TBC1D22A: variants seen among roughly 807,000 people sequenced by gnomAD.
TBC1D22A encodes the protein TBC1 domain family member 22A, also known as putative GTPase activator.
Under a neutral mutation model 60.2 loss-of-function variants are expected in TBC1D22A, and 38 were observed. The ratio of observed to expected loss-of-function variants is 0.63; its 90% confidence interval spans 0.49 to 0.83. TBC1D22A has a LOEUF of 0.83. Ranked by LOEUF, TBC1D22A falls within the 40% of genes least tolerant of loss-of-function variation. The pLI, the probability that TBC1D22A is intolerant of heterozygous loss-of-function variation, is 0.00. For missense variants in TBC1D22A, 628 were observed against 701.0 expected, an observed-to-expected ratio of 0.90 and a Z score of 1.18; for synonymous variants, 302 against 281.7, an observed-to-expected ratio of 1.07 and a Z score of -0.72.
Position 46,957,540 on chromosome 22 carries a change from C to T in TBC1D22A, c.1016-16750C>T, listed in dbSNP as rs535510297. Among the ~76,000 whole-genome samples, 103 of 152,296 alleles carry T rather than the reference C, an allele frequency of 6.8e-4. 1 individual carries two copies. Among genetic ancestry groups the T allele is most frequent in the Admixed American group, 6.3e-3 (96 of 15,296 alleles). ...GAACAGCATGGGGGAGACTGCCCCC[C>T]GATTCAATCACCTCCCTCCCTGAAC... On this transcript the variant is annotated intron_variant, in intron 8 of 12. Transcript: ENST00000337137.
At chr22:47,126,595 A>G (rs746707034) in intron 12 of TBC1D22A, among the ~76,000 whole-genome samples, 12 of 152,210 alleles carry the variant, frequency 7.9e-5, no homozygotes, top group Admixed American at 3.3e-4. Context: ...AGGCCTTCCA[A>G]TGAGGGCGGA....
intron 11 of TBC1D22A, among the ~76,000 whole-genome samples, chr22:47,042,225 G>A (rs928732847): frequency 2.0e-5 from 3 of 152,238 alleles, no homozygotes; most frequent in Admixed American, 6.5e-5. Context: ...GGCACCGTGC[G>A]AATGGGGTTC....
chr22:46,916,536 C>T (rs575318110), intron 8 of TBC1D22A, among the ~76,000 whole-genome samples: 68 of 152,340 alleles, frequency 4.5e-4, no homozygotes, highest in Non-Finnish European at 8.4e-4. Flanking sequence ...TGCACACAGG[C>T]GTGCAGGCAC....
chr22:46,823,251 A>T (rs575178161), intron 4 of TBC1D22A, among the ~76,000 whole-genome samples: 2 of 152,368 alleles, frequency 1.3e-5, no homozygotes, highest in South Asian at 2.1e-4. Flanking sequence ...GGTGACCCAC[A>T]GCCTTACAAA....
intron 4 of TBC1D22A, among the ~76,000 whole-genome samples, chr22:46,864,976 A>G (rs966000289): frequency 6.6e-6 from 1 of 152,042 alleles, no homozygotes; most frequent in Non-Finnish European, 1.5e-5. Context: ...ACTGTGCTTG[A>G]CTTTCATCTC....
At chr22:46,797,751 G>C (rs1259985598) in intron 4 of TBC1D22A, 131 bp downstream of exon 4, 1 of 951,474 alleles carries the variant, frequency 1.1e-6, no homozygotes, top group East Asian at 3.1e-5. Flanking sequence ...CTTGCAGGAA[G>C]GTGATGTTTT....
chr22:46,883,409 C>T (rs1467431412), intron 5 of TBC1D22A, among the ~76,000 whole-genome samples: 1 of 152,210 alleles, frequency 6.6e-6, no homozygotes, highest in Non-Finnish European at 1.5e-5. Flanking sequence ...GAATGTATTT[C>T]ATTTGCATAA....
At chr22:46,889,905 A>G (rs1396849656) in intron 5 of TBC1D22A, among the ~76,000 whole-genome samples, 2 of 152,162 alleles carry the variant, frequency 1.3e-5, no homozygotes, top group Non-Finnish European at 2.9e-5. Flanking sequence ...TCTTCCTTGG[A>G]GCAGGAGTTA....
At chr22:46,844,523 CGTG>C (rs892843016) in intron 4 of TBC1D22A, among the ~76,000 whole-genome samples, 3 of 152,226 alleles carry the variant, frequency 2.0e-5, no homozygotes, top group Non-Finnish European at 4.4e-5. Flanking sequence ...GTCAGCTTGA[CGTG>C]GTGGGACAGA....
At chr22:47,111,887 C>T (rs1052214861) in intron 12 of TBC1D22A, among the ~76,000 whole-genome samples, 34 of 152,218 alleles carry the variant, frequency 2.2e-4, no homozygotes, top group Admixed American at 1.3e-4. Context: ...TGCCCCTCAG[C>T]AGCACGACCC....
At chr22:46,854,114 G>A (rs1460469186) in intron 4 of TBC1D22A, among the ~76,000 whole-genome samples, 2 of 152,330 alleles carry the variant, frequency 1.3e-5, no homozygotes, top group Admixed American at 6.5e-5. Flanking sequence ...GACTCTGCCT[G>A]TCTTTCCGCA....
intron 4 of TBC1D22A, among the ~76,000 whole-genome samples, chr22:46,845,671 G>A (rs2086958320): frequency 6.6e-6 from 1 of 152,204 alleles, no homozygotes; most frequent in South Asian, 2.1e-4. Flanking sequence ...AGCTCTTCAT[G>A]TAGCGATTTA....
intron 12 of TBC1D22A, among the ~76,000 whole-genome samples, chr22:47,137,069 T>C (rs2066903061): frequency 6.6e-6 from 1 of 152,094 alleles, no homozygotes; most frequent in Non-Finnish European, 1.5e-5. Flanking sequence ...AAGAAGAAAG[T>C]GGAAGCTCTT....
intron 11 of TBC1D22A, among the ~76,000 whole-genome samples, chr22:47,070,253 C>A (rs1266561409): frequency 2.0e-5 from 3 of 148,014 alleles, no homozygotes. Flanking sequence ...CCAGGCTGTT[C>A]CCTGTTGTTT....
At chr22:46,927,108 C>T (rs1005768670) in intron 8 of TBC1D22A, among the ~76,000 whole-genome samples, 1 of 152,110 alleles carries the variant, frequency 6.6e-6, no homozygotes, top group African/African-American at 2.4e-5. Flanking sequence ...TTCTATGTGG[C>T]CGATATTACT....
At chr22:46,996,473 G>A (rs887539305) in intron 9 of TBC1D22A, among the ~76,000 whole-genome samples, 3 of 152,250 alleles carry the variant, frequency 2.0e-5, no homozygotes, top group Admixed American at 6.5e-5. Flanking sequence ...CTCCACGGGT[G>A]GTTCATGGAT....
intron 8 of TBC1D22A, among the ~76,000 whole-genome samples, chr22:46,930,519 G>C (rs576704807): frequency 6.6e-6 from 1 of 152,074 alleles, no homozygotes; most frequent in South Asian, 2.1e-4. Flanking sequence ...GCAATGGCGC[G>C]ATCTTGGCTC....
intron 12 of TBC1D22A, among the ~76,000 whole-genome samples, chr22:47,150,371 G>A (rs965064682): frequency 6.6e-6 from 1 of 152,108 alleles, no homozygotes. Flanking sequence ...GAGGCCCCCC[G>A]AGTTCATCTT....
intron 7 of TBC1D22A, among the ~76,000 whole-genome samples, chr22:46,904,601 T>C (rs533914227): frequency 6.6e-6 from 1 of 152,030 alleles, no homozygotes; most frequent in African/African-American, 2.4e-5. Flanking sequence ...CCCGAGTAGC[T>C]GGGATTACAG....
Sources: gnomAD v4.1 joint callset for allele counts (sites outside exome capture counted in the v4.1 genomes callset) on GRCh38, gnomAD v4.1.1 for gene constraint, MANE v1.5 for transcripts, NCBI Gene and HGNC (gene_info 2026-07-23, HGNC 2026-07-21) for gene names.